AKAP6: variants seen among roughly 807,000 people sequenced by gnomAD.
The protein encoded by AKAP6 is A-kinase anchor protein 6.
Under a neutral mutation model 188.5 loss-of-function variants are expected in AKAP6, and 58 were observed. The ratio of observed to expected loss-of-function variants is 0.31; its 90% CI spans 0.25 to 0.38. AKAP6 has a LOEUF of 0.38. Ranked by LOEUF, AKAP6 falls within the 10% of genes least tolerant of loss-of-function variation. The probability of loss-of-function intolerance (pLI) is 1.00; values close to 1 mark genes in which losing one functional copy is unlikely to be tolerated. For missense variants in AKAP6, 2,710 were observed against 2,740.0 expected, an observed-to-expected ratio of 0.99 and a Z score of 0.24; for synonymous variants, 989 against 998.6, an observed-to-expected ratio of 0.99 and a Z score of 0.18.
chr14:32,577,235 C>A lies in AKAP6; in HGVS notation c.2462C>A (p.Thr821Lys). The change falls in exon 5 of 14, where the codon ACA (threonine) becomes AAA (lysine). Residue 821 changes from threonine to lysine, a missense_variant. Thr to Lys is a moderately conservative substitution (Grantham distance 78, BLOSUM62 -1). Transcript: ENST00000280979. ...EMDDLKLYLETHLSFKLNVDS... is the reference protein window; with the variant it reads ...EMDDLKLYLEKHLSFKLNVDS... Reference sequence around the variant, plus strand: ...GATGACCTTAAACTGTATCTGGAGACACACTTGGTAGGCAAGATTGTGTTG... The same window carrying A: ...GATGACCTTAAACTGTATCTGGAGAAACACTTGGTAGGCAAGATTGTGTTG... 6.2e-7 allele frequency: 1 copy of A among 1,609,524 alleles called. No homozygotes were observed. The highest frequency in any genetic ancestry group is 8.5e-7 in the Non-Finnish European group (1 of 1,178,472).
In AKAP6 at chr14:32,750,341, A is replaced by G. The variant is rs150782485; in HGVS notation, c.3372+14459A>G. The stretch of plus-strand genomic sequence containing the variant: ...GTTGATATTATATAATCTTAGATTT[A>G]ATTTTTAGGTTTTATGATTATTTTA... On this transcript the variant is annotated intron_variant, in intron 11 of 13. Transcript: ENST00000280979. 1.8e-3 allele frequency among the ~76,000 whole-genome samples: 271 copies of G among 152,178 alleles called. 3 individuals carry two copies. Among genetic ancestry groups the G allele is most frequent in the Admixed American group, 0.016 (245 of 15,282 alleles).
At chr14:32,481,465 C>T (rs754944845) in intron 2 of AKAP6, among the ~76,000 whole-genome samples, 3 of 152,176 alleles carry the variant, frequency 2.0e-5, no homozygotes. Context: ...CACGGTTCTA[C>T]ATGGCTGGGG....
chr14:32,809,846 G>C (rs1017596324), intron 12 of AKAP6, among the ~76,000 whole-genome samples: 1 of 152,196 alleles, frequency 6.6e-6, no homozygotes, highest in Non-Finnish European at 1.5e-5. Context: ...TTTGCCAGGA[G>C]AATGTCTTGG....
At position 32,811,233 on chromosome 14, in the gene AKAP6, C is replaced by A. The variant is rs561676393; in HGVS notation, c.3589-10169C>A. 5.1e-3 allele frequency among the ~76,000 whole-genome samples: 179 copies of A among 35,224 alleles called. 3 individuals carry two copies. In the East Asian group the frequency reaches 0.099, roughly 20 times the overall value. The allele number at this position is 35,224 out of a possible 152,430, so 23.1% of individuals were successfully genotyped here. On this transcript the variant is annotated intron_variant, in intron 12 of 13. Transcript: ENST00000280979. ...CAGCCTGGGTGACAGAGCGAGACTC[C>A]GTCTCAGGAAAAAAAAAAAAAAAGT... is the stretch of plus-strand genomic sequence containing the variant.
chr14:32,462,605 C>T (rs189778333), intron 2 of AKAP6, among the ~76,000 whole-genome samples: 1 of 152,222 alleles, frequency 6.6e-6, no homozygotes, highest in East Asian at 1.9e-4. Context: ...AAAACCAGTA[C>T]CAGCCACTGC....
intron 12 of AKAP6, among the ~76,000 whole-genome samples, chr14:32,800,062 TATATATATAGAAATATATATATATA>T (rs2033893028): frequency 1.6e-5 from 1 of 63,346 alleles, no homozygotes; most frequent in Non-Finnish European, 3.3e-5. Context: ...TCTCTCTCTC[TATATATATAGAAATATATATATATA>T]CAAAATATAT....
chr14:32,352,880 T>C (rs1887337328), intron 1 of AKAP6, among the ~76,000 whole-genome samples: 1 of 152,232 alleles, frequency 6.6e-6, no homozygotes, highest in African/African-American at 2.4e-5. Context: ...GATGTCTCTT[T>C]GACATAGTGA....
chr14:32,543,437 A>G (rs868757798), intron 3 of AKAP6, among the ~76,000 whole-genome samples: 2 of 152,184 alleles, frequency 1.3e-5, no homozygotes, highest in Non-Finnish European at 2.9e-5. Flanking sequence ...TTCTTTATCC[A>G]TTCACCTGCT....
intron 1 of AKAP6, among the ~76,000 whole-genome samples, chr14:32,360,343 G>A (rs2138483627): frequency 6.6e-6 from 1 of 152,212 alleles, no homozygotes; most frequent in East Asian, 1.9e-4. Context: ...GGCCAGGCTG[G>A]TCTTAAACTT....
At chr14:32,334,759 A>C (rs1003492914) in intron 1 of AKAP6, among the ~76,000 whole-genome samples, 2 of 152,176 alleles carry the variant, frequency 1.3e-5, no homozygotes, top group East Asian at 3.9e-4. Context: ...ACCGGTCAGT[A>C]ATTGAATTCC....
chr14:32,820,605 A>G (rs2034494791), intron 12 of AKAP6, among the ~76,000 whole-genome samples: 1 of 152,122 alleles, frequency 6.6e-6, no homozygotes, highest in Admixed American at 6.6e-5. Flanking sequence ...GGGAAGGACT[A>G]ACAGTAAGTA....
chr14:32,371,306 T>C (rs1244226175), intron 1 of AKAP6, among the ~76,000 whole-genome samples: 1 of 152,210 alleles, frequency 6.6e-6, no homozygotes, highest in Non-Finnish European at 1.5e-5. Flanking sequence ...ACTATTTGTT[T>C]TTATTTAAGT....
intron 4 of AKAP6, among the ~76,000 whole-genome samples, chr14:32,556,000 G>T (rs2891205): frequency 6.6e-6 from 1 of 150,642 alleles, no homozygotes. Context: ...TGAGGATCAT[G>T]TATATTTTTT....
At chr14:32,372,524 A>C (rs1245887287) in intron 1 of AKAP6, among the ~76,000 whole-genome samples, 3 of 151,592 alleles carry the variant, frequency 2.0e-5, no homozygotes, top group Non-Finnish European at 4.4e-5. Flanking sequence ...TTTTTAACAG[A>C]GTAAAGCTTC....
At chr14:32,600,118 G>A (rs1432264206) in intron 6 of AKAP6, among the ~76,000 whole-genome samples, 2 of 152,082 alleles carry the variant, frequency 1.3e-5, no homozygotes, top group Non-Finnish European at 2.9e-5. Context: ...TTACAGTTTG[G>A]CTCTAGGTTT....
At chr14:32,498,822 A>G (rs1364212091) in intron 2 of AKAP6, among the ~76,000 whole-genome samples, 1 of 152,184 alleles carries the variant, frequency 6.6e-6, no homozygotes, top group Non-Finnish European at 1.5e-5. Flanking sequence ...TGTAAGAGCC[A>G]AAAACAATTT....
chr14:32,688,564 T>C (rs1890030171), intron 8 of AKAP6, among the ~76,000 whole-genome samples: 1 of 152,170 alleles, frequency 6.6e-6, no homozygotes, highest in Non-Finnish European at 1.5e-5. Flanking sequence ...AGAGAATTCA[T>C]AGTGTCCTAT....
intron 1 of AKAP6, among the ~76,000 whole-genome samples, chr14:32,406,562 A>G (rs1463246307): frequency 6.6e-6 from 1 of 152,158 alleles, no homozygotes; most frequent in Non-Finnish European, 1.5e-5. Flanking sequence ...GGAGGCTTAT[A>G]TGTTGTTAAA....
At chr14:32,660,152 G>A (rs1888625853) in intron 7 of AKAP6, among the ~76,000 whole-genome samples, 1 of 152,122 alleles carries the variant, frequency 6.6e-6, no homozygotes, top group Admixed American at 6.6e-5. Context: ...AGATTTGGTA[G>A]TGAGAGCTCA....
Sources: allele counts gnomAD v4.1 joint callset (sites outside exome capture counted in the v4.1 genomes callset), GRCh38; gene constraint gnomAD v4.1.1; transcripts MANE v1.5; gene names NCBI Gene and HGNC (gene_info 2026-07-23, HGNC 2026-07-21).